FRK: variants seen among roughly 807,000 people sequenced by gnomAD.
The protein encoded by FRK is tyrosine-protein kinase FRK.
FRK carries 51 observed loss-of-function variants against 56.4 expected under a neutral mutation model. That is an observed-to-expected ratio of 0.90 (90% CI 0.72 to 1.14). The LOEUF (loss-of-function observed/expected upper bound fraction) is 1.14, where lower values mean the gene tolerates loss of function less well. Among genes scored for constraint, FRK ranks in the 50% most tolerant of loss-of-function variants. The pLI, the probability that FRK is intolerant of heterozygous loss-of-function variation, is 0.00. For synonymous variants in FRK, 245 were observed against 217.9 expected, an observed-to-expected ratio of 1.12 and a Z score of -1.10; for missense variants, 570 against 601.4, an observed-to-expected ratio of 0.95 and a Z score of 0.55.
At chr6:116,039,278 C>A in intron 1 of FRK, 1 of 1,476,910 alleles carries the variant, frequency 6.8e-7, no homozygotes, top group Non-Finnish European at 9.5e-7. Flanking sequence ...AGCAAGACTG[C>A]AACACCCCAG....
In FRK at chr6:115,942,593, C is replaced by A. The variant is rs1327248647; in HGVS notation, c.1339G>T (p.Ala447Ser). 2 of 1,613,630 alleles carry A rather than the reference C, an allele frequency of 1.2e-6. No homozygotes were observed. Among genetic ancestry groups the A allele is most frequent in the Non-Finnish European group, 1.7e-6 (2 of 1,179,714 alleles). ...GGTTGCGGAAGTCTATAGTTTTGAG[C>A]CAACATCTGGATTACCTGGGCACCT... The part of the protein sequence containing the change: ...MTGAQVIQML[A>S]QNYRLPQPSN... Residue 447 changes from alanine (A) to serine (S), a missense_variant, in exon 8 of 8, where the codon GCT becomes TCT. Transcript: ENST00000606080.
At chr6:116,050,294 C>T (rs1230872656) in intron 1 of FRK, among the ~76,000 whole-genome samples, 1 of 152,112 alleles carries the variant, frequency 6.6e-6, no homozygotes, top group African/African-American at 2.4e-5. Flanking sequence ...GGATATTGTC[C>T]ATCCTAAAAA....
At chr6:115,952,005 C>T (rs901084297) in intron 5 of FRK, among the ~76,000 whole-genome samples, 2 of 151,946 alleles carry the variant, frequency 1.3e-5, no homozygotes, top group African/African-American at 4.8e-5. Flanking sequence ...CTGTTCATGT[C>T]CTTCGCCCAC....
At chr6:115,942,647 C>CA in intron 7 of FRK, 22 bp from the exon 8 acceptor site, 1 of 1,572,596 alleles carries the variant, frequency 6.4e-7, no homozygotes, top group Admixed American at 1.8e-5. Context: ...AGAACGAAAC[C>CA]AACAACAACA....
the FRK span, among the ~76,000 whole-genome samples, chr6:116,073,507 A>C: frequency 6.6e-6 from 1 of 152,192 alleles, no homozygotes; most frequent in Non-Finnish European, 1.5e-5. Flanking sequence ...AACAGCAAAC[A>C]AAATGCATCA....
At chr6:116,096,346 G>A in the FRK span, among the ~76,000 whole-genome samples, 4 of 152,310 alleles carry the variant, frequency 2.6e-5, no homozygotes, top group African/African-American at 7.2e-5. Context: ...TTTGTGGGTC[G>A]AGTGGGGATT....
At chr6:115,979,256 A>G (rs1774105825) in intron 2 of FRK, among the ~76,000 whole-genome samples, 1 of 152,070 alleles carries the variant, frequency 6.6e-6, no homozygotes, top group Non-Finnish European at 1.5e-5. Context: ...TGTGGGAGAT[A>G]GTGATATTGA....
intron 5 of FRK, among the ~76,000 whole-genome samples, chr6:115,947,849 C>A (rs1010968458): frequency 3.3e-5 from 5 of 152,056 alleles, no homozygotes; most frequent in Non-Finnish European, 5.9e-5. Flanking sequence ...AATAGCTAGG[C>A]CTTTTGATAT....
chr6:115,942,415 C>A lies in FRK; in HGVS notation c.1517G>T (p.Ter506LeuextTer8). The A allele has an allele frequency of 1.2e-6, 2 of 1,607,198 alleles. No individual in the cohort carries two copies. The highest frequency in any genetic ancestry group is 2.2e-5 in the South Asian group (2 of 90,796). Reference protein sequence around the residue: ...SYSDANNFIR* With the variant: ...SYSDANNFIRL ...TTATTTGATATTCTTCTCCAGTGTT[C>A]ATCTTATGAAGTTATTTGCATCTGA... The change falls in exon 8 of 8, where the codon TGA (stop) becomes TTA (leucine). Residue 506 changes from the stop codon to leucine, a stop_lost. Transcript: ENST00000606080.
chr6:116,062,486 G>GA, upstream of FRK, among the ~76,000 whole-genome samples: 1 of 150,678 alleles, frequency 6.6e-6, no homozygotes, highest in South Asian at 2.1e-4. Flanking sequence ...GAAAAGAAAA[G>GA]AAAGAAAGAT....
the FRK span, among the ~76,000 whole-genome samples, chr6:116,084,282 A>C: frequency 6.6e-6 from 1 of 152,216 alleles, no homozygotes; most frequent in Non-Finnish European, 1.5e-5. Context: ...ATTGCTACAC[A>C]AGTAACCCCA....
At chr6:116,089,236 A>G in the FRK span, among the ~76,000 whole-genome samples, 5 of 152,206 alleles carry the variant, frequency 3.3e-5, no homozygotes, top group South Asian at 1.0e-3. Flanking sequence ...GATTTTGCTC[A>G]TGCTGCATAA....
At chr6:116,008,091 T>C (rs1582707176) in intron 1 of FRK, among the ~76,000 whole-genome samples, 1 of 152,290 alleles carries the variant, frequency 6.6e-6, no homozygotes, top group East Asian at 1.9e-4. Flanking sequence ...CAAAACTAAA[T>C]ACTCCATTAC....
rs1021654024 is a variant in FRK, at chr6:115,931,304, A to G, written c.*11110T>C. ...AATAGAATACATAGGGCAAAATATAATTTCAAGAAAAACCATTGCCTTAAT... is the reference window on the plus strand; with the variant it reads ...AATAGAATACATAGGGCAAAATATAGTTTCAAGAAAAACCATTGCCTTAAT... On this transcript the variant is annotated 3_prime_UTR_variant, in exon 8 of 8. Coordinates refer to ENST00000606080, the MANE Select transcript of FRK (RefSeq NM_002031.3). The G allele has an allele frequency of 4.6e-5, 7 of 152,214 alleles. No homozygotes were observed. Among genetic ancestry groups the G allele is most frequent in the Admixed American group, 4.6e-4 (7 of 15,284 alleles). 9.4% of individuals were successfully genotyped at this position (152,214 alleles called of 1,614,324 possible).
intron 1 of FRK, among the ~76,000 whole-genome samples, chr6:116,056,086 C>T (rs1302937896): frequency 6.6e-6 from 1 of 152,180 alleles, no homozygotes; most frequent in African/African-American, 2.4e-5. Context: ...TACCAATCCC[C>T]TTTCTGGGAG....
At chr6:116,010,545 G>C (rs1358770257) in intron 1 of FRK, among the ~76,000 whole-genome samples, 1 of 152,136 alleles carries the variant, frequency 6.6e-6, no homozygotes, top group African/African-American at 2.4e-5. Flanking sequence ...GAAACAGATG[G>C]AAGAGACGAT....
At chr6:115,997,045 G>A (rs1774868575) in intron 2 of FRK, among the ~76,000 whole-genome samples, 1 of 152,126 alleles carries the variant, frequency 6.6e-6, no homozygotes, top group Non-Finnish European at 1.5e-5. Flanking sequence ...TATTCAGAAA[G>A]TTGCTTTGGA....
chr6:115,947,316 CAGTGTG>C (rs1265810209), intron 5 of FRK, among the ~76,000 whole-genome samples: 3 of 57,394 alleles, frequency 5.2e-5, no homozygotes, highest in Non-Finnish European at 1.0e-4. Flanking sequence ...AAGACTTAAA[CAGTGTG>C]TGTGTGTGTG....
chr6:116,004,828 C>G (rs1203257253), intron 1 of FRK, among the ~76,000 whole-genome samples: 1 of 152,116 alleles, frequency 6.6e-6, no homozygotes, highest in Non-Finnish European at 1.5e-5. Context: ...TAAGAGGAAG[C>G]TGAGAATTCC....
Sources: gnomAD v4.1 joint callset for allele counts (sites outside exome capture counted in the v4.1 genomes callset) on GRCh38, gnomAD v4.1.1 for gene constraint, MANE v1.5 for transcripts, NCBI Gene and HGNC (gene_info 2026-07-23, HGNC 2026-07-21) for gene names.